The following NPIPB6 variants were observed in gnomAD, a reference collection of about 807,000 sequenced individuals.
NPIPB6 encodes the protein nuclear pore complex interacting protein family member B6, also known as nuclear pore complex-interacting protein family member B6.
In NPIPB6, 2 loss-of-function variants were observed where a neutral mutation model predicts 20.0. The observed-to-expected ratio is 0.10, with a 90% confidence interval of 0.04 to 0.31. The LOEUF is 0.31. NPIPB6 is among the 10% of genes least tolerant of loss of function. The pLI, the probability that NPIPB6 is intolerant of heterozygous loss-of-function variation, is 1.00. For synonymous variants in NPIPB6, 35 were observed against 116.3 expected, an observed-to-expected ratio of 0.30 and a Z score of 4.50; for missense variants, 96 against 293.7, an observed-to-expected ratio of 0.33 and a Z score of 4.92.
At chr16:28,348,087 G>C (rs1409466413) in intron 4 of NPIPB6, among the ~76,000 whole-genome samples, 1 of 111,764 alleles carries the variant, frequency 8.9e-6, no homozygotes, top group Non-Finnish European at 2.0e-5. Context: ...TCTAGCCTGG[G>C]TGACAGAGTG....
intron 1 of NPIPB6, among the ~76,000 whole-genome samples, chr16:28,355,915 G>A (rs1229960044): frequency 8.4e-6 from 1 of 119,246 alleles, no homozygotes; most frequent in Non-Finnish European, 1.9e-5. Flanking sequence ...GGGAGGCCGA[G>A]GCAGGCAGAT....
chr16:28,346,124 T>A (rs2141609978), intron 4 of NPIPB6: 1 of 339,968 alleles, frequency 2.9e-6, no homozygotes, highest in South Asian at 9.8e-5. Context: ...CCATAGTTAG[T>A]CCTATTCTTT....
rs1162386815 is a variant in NPIPB6, at chr16:28,349,953, C to CTTTGG, written c.304-717_304-713dup. 3.9e-5 allele frequency among the ~76,000 whole-genome samples: 4 copies of CTTTGG among 102,024 alleles called. No individual in the cohort carries two copies. In the Admixed American group the frequency reaches 4.7e-4, roughly 12 times the overall value. 66.9% of individuals were successfully genotyped at this position (102,024 alleles called of 152,430 possible). On this transcript the variant is annotated intron_variant, in intron 2 of 6. Coordinates refer to ENST00000532254, the Ensembl canonical transcript of NPIPB6. ...GTAGCTCACGCCTGTAATCCCAGCA[C>CTTTGG]TTTGGGAGGCTGAGGCGGGTGAATC...
chr16:28,342,857 T>C (rs1332489659), exon 7 of NPIPB6: 2 of 1,578,522 alleles, frequency 1.3e-6, no homozygotes, highest in Admixed American at 3.7e-5. Flanking sequence ...GGGAGGAGTC[T>C]TGAGATTATC....
exon 7 of NPIPB6, chr16:28,343,162 A>G: frequency 6.3e-7 from 1 of 1,580,728 alleles, no homozygotes; most frequent in Non-Finnish European, 8.5e-7. Flanking sequence ...CTGAAGAATG[A>G]CGATGCTCCG....
rs2045062434 is a variant in NPIPB6 at position 28,345,270 on chromosome 16, A to C, written c.600-517T>G. Among the ~76,000 whole-genome samples, 2 of 95,660 alleles carry C rather than the reference A, an allele frequency of 2.1e-5. 1 individual carries two copies. Among genetic ancestry groups the C allele is most frequent in the Non-Finnish European group, 4.6e-5 (2 of 43,618 alleles). 62.8% of individuals were successfully genotyped at this position (95,660 alleles called of 152,430 possible). On this transcript the variant is annotated intron_variant, in intron 4 of 6. Coordinates refer to ENST00000532254, the Ensembl canonical transcript of NPIPB6. ...GCTGTATTGATTCCTCCTCTTGCTTACTGCCTGTTGACTTCTGAGATGATA... is the reference window on the plus strand; with the variant it reads ...GCTGTATTGATTCCTCCTCTTGCTTCCTGCCTGTTGACTTCTGAGATGATA...
intron 2 of NPIPB6, among the ~76,000 whole-genome samples, chr16:28,351,703 T>C (rs1300225840): frequency 8.6e-6 from 1 of 116,820 alleles, no homozygotes; most frequent in African/African-American, 2.9e-5. Context: ...GAAAATTCTC[T>C]GTTCAGGACT....
chr16:28,362,181 TC>T (rs2045458160), intron 1 of NPIPB6, among the ~76,000 whole-genome samples: 1 of 149,134 alleles, frequency 6.7e-6, no homozygotes. Flanking sequence ...CACTAAAACC[TC>T]CACCTCCTGA....
chr16:28,349,889 C>CAAA (rs1178858068), intron 2 of NPIPB6, among the ~76,000 whole-genome samples: 8 of 16,860 alleles, frequency 4.7e-4, no homozygotes, highest in Admixed American at 8.2e-4. Flanking sequence ...AACTCTGTCT[C>CAAA]AAAAAAAAAA....
rs1225292432 is a variant in NPIPB6 at position 28,347,925 on chromosome 16, T to C, written c.599+909A>G. On this transcript the variant is annotated intron_variant, in intron 4 of 6. Coordinates refer to ENST00000532254, the Ensembl canonical transcript of NPIPB6. ...CAGAGTTCTAGACCAGCTTGGCCAA[T>C]ATGGTGAAACCCCGCCTCTACTAAG... is the stretch of plus-strand genomic sequence containing the variant. 4.5e-5 allele frequency among the ~76,000 whole-genome samples: 5 copies of C among 111,570 alleles called. 2 individuals carry two copies. Among genetic ancestry groups the C allele is most frequent in the Non-Finnish European group, 1.0e-4 (5 of 48,780 alleles). The allele number at this position is 111,570 out of a possible 152,430, so 73.2% of individuals were successfully genotyped here.
At chr16:28,343,089 G>A (rs1367629790) in exon 7 of NPIPB6, 8 of 1,456,890 alleles carry the variant, frequency 5.5e-6, no homozygotes, top group Non-Finnish European at 6.6e-6. Flanking sequence ...GTTGGAGGAG[G>A]TGGCTGGCGG....
Position 28,362,747 on chromosome 16 carries a change from G to C in NPIPB6, c.76C>G (p.Gln26Glu), listed in dbSNP as rs62032561. ...GGGCATGTCACTGACTTTACATGCTGCTGCAGCTCCTTGGTGAGCTGGCTC... is the reference window on the plus strand; with the variant it reads ...GGGCATGTCACTGACTTTACATGCTCCTGCAGCTCCTTGGTGAGCTGGCTC... Residue 26 changes from glutamine to glutamate, a missense_variant, in exon 1 of 7, where the codon CAG (glutamine) becomes GAG (glutamate). By Grantham distance (29) the Gln-to-Glu change is conservative. Around this residue, in one of 3 missense-constraint regions of NPIPB6, gnomAD observed 7 missense variants for 51.8 expected, o/e 0.14. Coordinates refer to ENST00000532254, the Ensembl canonical transcript of NPIPB6. 3,755 of 1,590,602 alleles carry C rather than the reference G, an allele frequency of 2.4e-3. 74 individuals carry two copies. The highest frequency in any genetic ancestry group is 0.019 in the Middle Eastern group (91 of 4,728).
intron 1 of NPIPB6, among the ~76,000 whole-genome samples, chr16:28,360,640 G>A (rs1177791860): frequency 7.1e-6 from 1 of 140,648 alleles, no homozygotes; most frequent in African/African-American, 2.5e-5. Flanking sequence ...AGTCCACCAA[G>A]TATTTCAGGT....
chr16:28,342,691 T>C (rs1271818264), exon 7 of NPIPB6: 18 of 1,547,868 alleles, frequency 1.2e-5, no homozygotes, highest in Non-Finnish European at 1.6e-5. Flanking sequence ...GTTTGGGTAA[T>C]TGTTGTGCCT....
chr16:28,348,282 A>T (rs764667338), intron 4 of NPIPB6, among the ~76,000 whole-genome samples: 1,055 of 101,106 alleles, frequency 0.01, 249 homozygotes, highest in Non-Finnish European at 0.016. Context: ...TCAAAATTTT[A>T]AAAAAAAAAA....
In NPIPB6 at chr16:28,346,413, C is replaced by T. The variant is rs371690467; in HGVS notation, c.600-1660G>A. Among the ~76,000 whole-genome samples, 672 of 115,104 alleles carry T rather than the reference C, an allele frequency of 5.8e-3. No individual in the cohort carries two copies. In the East Asian group the frequency reaches 0.12, roughly 20 times the overall value. The allele number at this position is 115,104 out of a possible 152,430, so 75.5% of individuals were successfully genotyped here. ...ATGGTGTCATTAACCCCGCAGTTCA[C>T]TACTGCACTTTGCCATGATTCAGGA... On this transcript the variant is annotated intron_variant, in intron 4 of 6. Coordinates refer to ENST00000532254, the Ensembl canonical transcript of NPIPB6.
At chr16:28,361,458 C>T (rs406874) in intron 1 of NPIPB6, among the ~76,000 whole-genome samples, 11,348 of 145,758 alleles carry the variant, frequency 0.078, 16 homozygotes, top group East Asian at 0.19. Context: ...GGTGCAGTGG[C>T]TCACACCTAT....
intron 2 of NPIPB6, among the ~76,000 whole-genome samples, chr16:28,350,216 G>T (rs1001391507): frequency 9.5e-6 from 1 of 105,358 alleles, no homozygotes; most frequent in African/African-American, 3.2e-5. Context: ...AAAAAAAAAT[G>T]ACATGAATAT....
chr16:28,350,775 C>G (rs936811529), intron 2 of NPIPB6, among the ~76,000 whole-genome samples: 1 of 42,968 alleles, frequency 2.3e-5, no homozygotes, highest in Non-Finnish European at 5.2e-5. Flanking sequence ...GCCTCGGCCT[C>G]CCAAGTAGCT....
Sources: allele counts gnomAD v4.1 joint callset (sites outside exome capture counted in the v4.1 genomes callset), GRCh38; gene constraint gnomAD v4.1.1; regional missense constraint gnomAD v4.1.1; transcripts MANE v1.5; gene names NCBI Gene and HGNC (gene_info 2026-07-23, HGNC 2026-07-21).